SYCE2: variants seen among roughly 807,000 people sequenced by gnomAD.
The protein encoded by SYCE2 is synaptonemal complex central element protein 2, also known as central element synaptonemal complex 1.
A neutral mutation model predicts 27.9 loss-of-function variants in SYCE2; 3 were observed. The observed-to-expected ratio is 0.11, with a 90% confidence interval of 0.05 to 0.28. SYCE2 has a LOEUF of 0.28. SYCE2 is among the 10% of genes least tolerant of loss of function. The pLI is 1.00. For missense variants in SYCE2, 207 were observed against 263.5 expected (o/e 0.79, Z 1.48); for synonymous variants, 85 against 100.7 (o/e 0.84, Z 0.93).
chr19:12,915,910 C>G (rs1296817672), intron 2 of SYCE2, among the ~76,000 whole-genome samples: 2 of 152,274 alleles, frequency 1.3e-5, no homozygotes, highest in South Asian at 2.1e-4. Flanking sequence ...CCTGGCTCCC[C>G]ATTCCAGGCT....
chr19:12,913,312 T>A (rs948112594), intron 2 of SYCE2, among the ~76,000 whole-genome samples: 1 of 152,222 alleles, frequency 6.6e-6, no homozygotes, highest in Admixed American at 6.5e-5. Flanking sequence ...AGACCATCTG[T>A]TCGCTCCAGG....
intron 1 of SYCE2, 40 bp from the exon 2 acceptor site, chr19:12,918,377 G>A (rs1165177064): frequency 1.9e-6 from 3 of 1,573,546 alleles, no homozygotes; most frequent in East Asian, 2.2e-5. Context: ...GAGGGAGGAT[G>A]AGGAGTGAAC....
chr19:12,917,359 A>T (rs943527969), intron 2 of SYCE2, among the ~76,000 whole-genome samples: 1 of 147,626 alleles, frequency 6.8e-6, no homozygotes, highest in Non-Finnish European at 1.5e-5. Flanking sequence ...CGGCCTACTA[A>T]ATTTTTCTTT....
At chr19:12,914,361 C>T (rs1459871708) in intron 2 of SYCE2, among the ~76,000 whole-genome samples, 2 of 152,152 alleles carry the variant, frequency 1.3e-5, no homozygotes, top group Non-Finnish European at 2.9e-5. Flanking sequence ...AACATGAAGA[C>T]GCTAAATGCC....
intron 4 of SYCE2, 78 bp downstream of exon 4, chr19:12,900,382 T>C: frequency 6.7e-7 from 1 of 1,498,840 alleles, no homozygotes; most frequent in Admixed American, 2.1e-5. Context: ...GTGCCTGGTT[T>C]CTGTTCACAT....
At chr19:12,911,427 TTTTTTTCTTTTTCTTTC>T (rs1971043136) in intron 2 of SYCE2, among the ~76,000 whole-genome samples, 1 of 151,968 alleles carries the variant, frequency 6.6e-6, no homozygotes, top group Non-Finnish European at 1.5e-5. Context: ...CCTTAATGGG[TTTTTTTCTTTTTCTTTC>T]TTTTTTCTTT....
intron 2 of SYCE2, among the ~76,000 whole-genome samples, chr19:12,913,037 G>A (rs1274212864): frequency 6.6e-6 from 1 of 152,184 alleles, no homozygotes; most frequent in East Asian, 1.9e-4. Context: ...TGGCTTTCCC[G>A]GTTCCTAGGC....
chr19:12,916,325 T>C (rs1342141208), intron 2 of SYCE2, among the ~76,000 whole-genome samples: 1 of 152,052 alleles, frequency 6.6e-6, no homozygotes, highest in Non-Finnish European at 1.5e-5. Context: ...TGCCTCGGCC[T>C]CCCAAAGTCC....
At chr19:12,902,644 T>C (rs1431493938) in intron 3 of SYCE2, among the ~76,000 whole-genome samples, 1 of 151,092 alleles carries the variant, frequency 6.6e-6, no homozygotes, top group Non-Finnish European at 1.5e-5. Context: ...TCTAAAAATA[T>C]AAATAAATAA....
chr19:12,911,417 C>T (rs1235999731), intron 2 of SYCE2, among the ~76,000 whole-genome samples: 1 of 152,040 alleles, frequency 6.6e-6, no homozygotes, highest in African/African-American at 2.4e-5. Flanking sequence ...TCTCTTCCAG[C>T]CTTAATGGGT....
At chr19:12,899,579 T>G (rs906542868) in intron 5 of SYCE2, 194 bp from the exon 6 acceptor site, 47 of 1,613,846 alleles carry the variant, frequency 2.9e-5, no homozygotes, top group Non-Finnish European at 3.9e-5. Flanking sequence ...CAAGCCCCTT[T>G]CTGGAGAGAT....
At chr19:12,903,231 A>G (rs1220266422) in intron 3 of SYCE2, among the ~76,000 whole-genome samples, 3 of 151,010 alleles carry the variant, frequency 2.0e-5, no homozygotes, top group Admixed American at 2.0e-4. Context: ...AGCTGGGACT[A>G]CAGGCGCCCG....
Position 12,899,105 on chromosome 19 carries a change from G to A in SYCE2, c.*236C>T. The A allele has an allele frequency of 1.7e-6, 1 of 576,328 alleles. No homozygotes were observed. Among genetic ancestry groups the A allele is most frequent in the Non-Finnish European group, 3.1e-6 (1 of 323,000 alleles). 35.7% of individuals were successfully genotyped at this position (576,328 alleles called of 1,614,324 possible). A position where few individuals can be genotyped will look rare whatever the true frequency, so the allele number is the denominator to read the frequency against. On this transcript the variant is annotated 3_prime_UTR_variant, in exon 6 of 6. Coordinates refer to ENST00000293695, the MANE Select transcript of SYCE2 (RefSeq NM_001105578.2). The stretch of plus-strand genomic sequence containing the variant: ...TTGAAAATCAAACATTTAATAAACT[G>A]TGGGGCTGGGGGTGGGGAGAACTTG...
At chr19:12,903,395 T>G (rs1354709044) in intron 3 of SYCE2, among the ~76,000 whole-genome samples, 1 of 144,578 alleles carries the variant, frequency 6.9e-6, no homozygotes, top group African/African-American at 2.7e-5. Context: ...CCGGCCCTCT[T>G]CTTTTTTTTT....
chr19:12,904,447 C>G (rs913249895), intron 3 of SYCE2, 45 bp downstream of exon 3: 1 of 1,611,140 alleles, frequency 6.2e-7, no homozygotes, highest in African/African-American at 1.3e-5. Flanking sequence ...ATTCCCTCCC[C>G]TTTTGCATAA....
At chr19:12,909,091 C>T (rs1970997302) in intron 2 of SYCE2, among the ~76,000 whole-genome samples, 1 of 152,218 alleles carries the variant, frequency 6.6e-6, no homozygotes, top group Non-Finnish European at 1.5e-5. Flanking sequence ...ACAGCACCTA[C>T]GGTTTCACTG....
At chr19:12,916,371 A>G (rs1050368202) in intron 2 of SYCE2, among the ~76,000 whole-genome samples, 8 of 152,044 alleles carry the variant, frequency 5.3e-5, no homozygotes, top group African/African-American at 1.7e-4. Context: ...CCCGGCCAAC[A>G]TGAGCCTCCT....
intron 2 of SYCE2, among the ~76,000 whole-genome samples, chr19:12,911,331 T>G (rs944894418): frequency 6.6e-6 from 1 of 151,998 alleles, no homozygotes; most frequent in Non-Finnish European, 1.5e-5. Context: ...CCTAAAACCA[T>G]CCCCACCAGC....
At chr19:12,911,616 T>TTA (rs386388581) in intron 2 of SYCE2, among the ~76,000 whole-genome samples, 1 of 23,436 alleles carries the variant, frequency 4.3e-5, no homozygotes, top group Non-Finnish European at 1.1e-4. Context: ...AATTTTTGCC[T>TTA]TTTTTTTTTT....
Sources: gnomAD v4.1 joint callset for allele counts (sites outside exome capture counted in the v4.1 genomes callset) on GRCh38, gnomAD v4.1.1 for gene constraint, MANE v1.5 for transcripts, NCBI Gene and HGNC (gene_info 2026-07-23, HGNC 2026-07-21) for gene names.